CALR3: variants seen among roughly 807,000 people sequenced by gnomAD.
CALR3 encodes calreticulin-3.
A neutral mutation model predicts 48.7 loss-of-function variants in CALR3; 39 were observed. That is an observed-to-expected ratio of 0.80 (90% confidence interval 0.62 to 1.05). The LOEUF is 1.05. CALR3 is among the 50% of genes least tolerant of loss of function. CALR3 has a pLI of 0.00. For missense variants in CALR3, 449 were observed against 474.7 expected, an observed-to-expected ratio of 0.95 and a Z score of 0.50; for synonymous variants, 185 against 172.7, an observed-to-expected ratio of 1.07 and a Z score of -0.56.
chr19:16,480,198 C>A (rs2122124196), intron 8 of CALR3, among the ~76,000 whole-genome samples: 1 of 57,214 alleles, frequency 1.7e-5, no homozygotes, highest in Admixed American at 2.9e-4. Flanking sequence ...GAGACTCCGT[C>A]TCAAAAAAAA....
Position 16,482,662 on chromosome 19 carries a change from C to T in CALR3, c.786+16G>A, listed in dbSNP as rs1044659901. On this transcript the variant is annotated intron_variant, in intron 6 of 8. Coordinates refer to ENST00000269881, the MANE Select transcript of CALR3 (RefSeq NM_145046.5). ...GCCCTGGGGCATCCCTGGCATCATA[C>T]AAAGAGGCCACACACCTGGTACGGG... The T allele has an allele frequency of 6.2e-7, 1 of 1,614,090 alleles. No individual in the cohort carries two copies. Among genetic ancestry groups the T allele is most frequent in the Non-Finnish European group, 8.5e-7 (1 of 1,179,966 alleles).
At chr19:16,482,365 T>G in intron 7 of CALR3, 85 bp downstream of exon 7, 1 of 1,567,780 alleles carries the variant, frequency 6.4e-7, no homozygotes, top group Non-Finnish European at 8.6e-7. Flanking sequence ...GGTGACAGAA[T>G]GAGACCCTGT....
At chr19:16,480,314 G>T (rs2093378650) in intron 8 of CALR3, among the ~76,000 whole-genome samples, 1 of 152,056 alleles carries the variant, frequency 6.6e-6, no homozygotes. Context: ...CACTTTGGGA[G>T]GCCAAGGCAG....
At chr19:16,493,891 C>A (rs1260496387) in intron 2 of CALR3, among the ~76,000 whole-genome samples, 1 of 151,828 alleles carries the variant, frequency 6.6e-6, no homozygotes, top group Non-Finnish European at 1.5e-5. Flanking sequence ...CCATGCCCAG[C>A]TAATTTTTGT....
chr19:16,488,565 C>T (rs924406227), intron 3 of CALR3, among the ~76,000 whole-genome samples: 4 of 147,302 alleles, frequency 2.7e-5, no homozygotes, highest in South Asian at 2.1e-4. Context: ...CCACTATGCC[C>T]GGCTAATTTT....
intron 2 of CALR3, among the ~76,000 whole-genome samples, chr19:16,492,438 A>G (rs1203670030): frequency 2.6e-5 from 4 of 152,108 alleles, no homozygotes; most frequent in Non-Finnish European, 5.9e-5. Context: ...CTCCGTTTAA[A>G]AAAATAAATA....
intron 3 of CALR3, among the ~76,000 whole-genome samples, chr19:16,489,619 CA>C (rs56111667): frequency 0.67 from 93,335 of 138,956 alleles, 30,660 homozygotes; most frequent in South Asian, 0.75. Flanking sequence ...AACTCTGTCT[CA>C]AAAAAAAAAA....
chr19:16,490,009 T>C (rs2093395326), intron 3 of CALR3, among the ~76,000 whole-genome samples: 1 of 152,118 alleles, frequency 6.6e-6, no homozygotes, highest in Admixed American at 6.6e-5. Flanking sequence ...CAGATTAGCG[T>C]TGTTCAACCA....
chr19:16,483,470 C>A (rs1568485636), intron 5 of CALR3, among the ~76,000 whole-genome samples: 2 of 152,146 alleles, frequency 1.3e-5, no homozygotes, highest in Non-Finnish European at 2.9e-5. Flanking sequence ...GTAATCCCAG[C>A]ACTTTGGGAG....
rs777944225 is a variant in CALR3 at position 16,480,659 on chromosome 19, T to C, written c.966A>G (p.Glu322=). The C allele has an allele frequency of 6.2e-6, 10 of 1,613,876 alleles. No homozygotes were observed. The East Asian group carries it at 2.2e-4, about 36-fold the overall frequency. ...IFDNFLITDD[E]EYADNFGKAT... is the part of the protein sequence containing the mutation. ...CCTTGCCAAAATTATCTGCGTACTC[T>C]TCATCATCTGTGATCAGAAAGTTAT... Residue 322 remains glutamate (E), a synonymous_variant, in exon 8 of 9, where the codon GAA becomes GAG. Coordinates refer to ENST00000269881, the MANE Select transcript of CALR3 (RefSeq NM_145046.5).
Position 16,479,250 on chromosome 19 carries a change from T to C in CALR3, c.1036A>G (p.Ile346Val), listed in dbSNP as rs768826027. The change falls in exon 9 of 9, where the codon ATA (isoleucine) becomes GTA (valine). Residue 346 changes from isoleucine (I) to valine (V), a missense_variant. Transcript: ENST00000269881. ...TKGPEREMDA[I>V]QAKEEMKKAR... is the part of the protein sequence containing the mutation. Reference sequence around the variant, plus strand: ...TTCTTCATTTCCTCCTTGGCCTGTATGGCATCCATCTCCCTTTCTGGACCC... The same window carrying C: ...TTCTTCATTTCCTCCTTGGCCTGTACGGCATCCATCTCCCTTTCTGGACCC... 10 of 1,613,920 alleles carry C rather than the reference T, an allele frequency of 6.2e-6. No homozygotes were observed. The highest frequency in any genetic ancestry group is 2.2e-5 in the South Asian group (2 of 91,070).
intron 8 of CALR3, among the ~76,000 whole-genome samples, chr19:16,479,721 T>G (rs1042795346): frequency 1.3e-5 from 2 of 151,316 alleles, no homozygotes; most frequent in African/African-American, 4.9e-5. Context: ...ATGGCACCAC[T>G]GCACTCCAGC....
At chr19:16,488,471 C>G (rs2093392559) in intron 3 of CALR3, among the ~76,000 whole-genome samples, 1 of 150,906 alleles carries the variant, frequency 6.6e-6, no homozygotes, top group Admixed American at 6.6e-5. Context: ...GTGGTGAGAT[C>G]TCGGCTCACT....
intron 4 of CALR3, among the ~76,000 whole-genome samples, chr19:16,484,759 C>T (rs975502024): frequency 2.0e-5 from 3 of 152,122 alleles, no homozygotes; most frequent in Non-Finnish European, 4.4e-5. Context: ...CTCAAGCAGT[C>T]CTCCTGCCTC....
chr19:16,479,094 A>G lies in CALR3; in HGVS notation c.*37T>C. ...TGAAACATAGATTAAAGTAGCAATG[A>G]GATTTTACCAGTCATCCTTATATCC... On this transcript the variant is annotated 3_prime_UTR_variant, in exon 9 of 9. Coordinates refer to ENST00000269881, the MANE Select transcript of CALR3 (RefSeq NM_145046.5). The G allele has an allele frequency of 3.7e-6, 6 of 1,612,016 alleles. No homozygotes were observed. The highest frequency in any genetic ancestry group is 5.1e-6 in the Non-Finnish European group (6 of 1,178,122).
chr19:16,487,151 G>C (rs1263648313), intron 3 of CALR3, among the ~76,000 whole-genome samples: 1 of 152,012 alleles, frequency 6.6e-6, no homozygotes, highest in Admixed American at 6.6e-5. Flanking sequence ...AACCACAGGG[G>C]TGCGCCACCT....
chr19:16,487,218 C>T (rs1013862268), intron 3 of CALR3, among the ~76,000 whole-genome samples: 2 of 152,032 alleles, frequency 1.3e-5, no homozygotes, highest in African/African-American at 4.8e-5. Context: ...GTGGCTCACG[C>T]CTGTAATTCC....
intron 2 of CALR3, among the ~76,000 whole-genome samples, chr19:16,494,228 C>T (rs997590744): frequency 1.3e-5 from 2 of 151,840 alleles, no homozygotes; most frequent in African/African-American, 4.8e-5. Context: ...ACTTGGCTAA[C>T]TTTTTTGTAT....
chr19:16,493,565 T>C lies in CALR3; in HGVS notation c.193+2186A>G, dbSNP rs2093401183. On this transcript the variant is annotated intron_variant, in intron 2 of 8. Transcript: ENST00000269881. ...GAATTTTTTTTTTTTTTTTTTTTTT[T>C]TTGAGACAGAGTCTTGCTCTGTTGC... 1.1e-4 allele frequency among the ~76,000 whole-genome samples: 14 copies of C among 131,572 alleles called. No individual in the cohort carries two copies. In the South Asian group the frequency reaches 3.3e-3, roughly 31 times the overall value. The allele number at this position is 131,572 out of a possible 152,430, so 86.3% of individuals were successfully genotyped here. A position where few individuals can be genotyped will look rare whatever the true frequency, so the allele number is the denominator to read the frequency against.
Sources: allele counts gnomAD v4.1 joint callset (sites outside exome capture counted in the v4.1 genomes callset), GRCh38; gene constraint gnomAD v4.1.1; transcripts MANE v1.5; gene names NCBI Gene and HGNC (gene_info 2026-07-23, HGNC 2026-07-21).